Variants in ZNF385D observed in about 807,000 individuals in gnomAD.
ZNF385D encodes the protein zinc finger protein 659.
Under a neutral mutation model 35.8 loss-of-function variants are expected in ZNF385D, and 15 were observed. That is an observed-to-expected ratio of 0.42 (90% confidence interval 0.28 to 0.64). The LOEUF (loss-of-function observed/expected upper bound fraction) is 0.64, where lower values mean the gene tolerates loss of function less well. Among genes scored for constraint, ZNF385D ranks in the 30% least tolerant of loss-of-function variants. The pLI is 0.23. For missense variants in ZNF385D, 474 were observed against 494.6 expected (o/e 0.96, Z 0.39); for synonymous variants, 212 against 186.8 (o/e 1.13, Z -1.10).
At chr3:21,609,880 A>G (rs918135811) in intron 2 of ZNF385D, among the ~76,000 whole-genome samples, 1 of 152,150 alleles carries the variant, frequency 6.6e-6, no homozygotes, top group East Asian at 1.9e-4. Context: ...TAAAAACTAA[A>G]AGGAAAAGAG....
intron 2 of ZNF385D, among the ~76,000 whole-genome samples, chr3:22,318,039 C>A (rs1703995528): frequency 6.6e-6 from 1 of 150,434 alleles, no homozygotes. Context: ...GCCTGGGCGA[C>A]AGAGTGAGAC....
At chr3:21,712,437 G>A (rs1388379443) in intron 1 of ZNF385D, among the ~76,000 whole-genome samples, 1 of 152,144 alleles carries the variant, frequency 6.6e-6, no homozygotes, top group African/African-American at 2.4e-5. Flanking sequence ...TATGTGGAAT[G>A]TCACTTCCAT....
chr3:22,203,725 G>A (rs1216844055), intron 2 of ZNF385D, among the ~76,000 whole-genome samples: 1 of 152,094 alleles, frequency 6.6e-6, no homozygotes, highest in Non-Finnish European at 1.5e-5. Context: ...GGTTGTGGTG[G>A]ACATGGAAGC....
At chr3:21,673,692 A>G (rs1015642275) in intron 1 of ZNF385D, among the ~76,000 whole-genome samples, 3 of 152,126 alleles carry the variant, frequency 2.0e-5, no homozygotes, top group Non-Finnish European at 4.4e-5. Context: ...AAATTTTTAA[A>G]AAGTTAATGA....
At chr3:21,793,039 A>C (rs2071994062) in intron 3 of ZNF385D, among the ~76,000 whole-genome samples, 1 of 152,218 alleles carries the variant, frequency 6.6e-6, no homozygotes, top group African/African-American at 2.4e-5. Flanking sequence ...GACAACATTA[A>C]GATTTCAGAA....
At chr3:21,753,789 T>TTGTGTG (rs145331908), upstream of ZNF385D, among the ~76,000 whole-genome samples, 1,180 of 124,718 alleles carry the variant, frequency 9.5e-3, 51 homozygotes, top group Admixed American at 0.072. Context: ...GTTGTTGTTG[T>TTGTGTG]TGTGTGTGTG....
At chr3:21,819,001 C>T (rs1023918644) in intron 3 of ZNF385D, among the ~76,000 whole-genome samples, 2 of 151,772 alleles carry the variant, frequency 1.3e-5, no homozygotes, top group African/African-American at 4.8e-5. Flanking sequence ...TGGTAGAAAA[C>T]TGCATATAAA....
At chr3:22,123,462 T>C (rs190302115) in intron 3 of ZNF385D, among the ~76,000 whole-genome samples, 6 of 152,282 alleles carry the variant, frequency 3.9e-5, no homozygotes, top group Non-Finnish European at 5.9e-5. Context: ...CCACGGTAAA[T>C]GGGGTATGCA....
Position 21,874,275 on chromosome 3 carries a change from C to T in ZNF385D, c.326-209247G>A, listed in dbSNP as rs79898263. Among the ~76,000 whole-genome samples, 1,046 of 152,054 alleles carry T rather than the reference C, an allele frequency of 6.9e-3. 19 individuals are homozygous for T. The highest frequency in any genetic ancestry group is 0.024 in the African/African-American group (979 of 41,540). ...ATGATGTTGAGCATCTTTTAATATA[C>T]TTACTGGCAATTTGTATGTCTTCTT... On this transcript the variant is annotated intron_variant, in intron 3 of 5. Transcript: ENST00000494108.
At chr3:21,753,241 T>C (rs2070185055), upstream of ZNF385D, among the ~76,000 whole-genome samples, 1 of 152,222 alleles carries the variant, frequency 6.6e-6, no homozygotes, top group Non-Finnish European at 1.5e-5. Flanking sequence ...AATGATGTGA[T>C]GAGTAAGAAA....
At chr3:21,864,043 C>T (rs1002882029) in intron 3 of ZNF385D, among the ~76,000 whole-genome samples, 2 of 152,190 alleles carry the variant, frequency 1.3e-5, no homozygotes, top group East Asian at 1.9e-4. Flanking sequence ...AAAGTAGTTT[C>T]CTCACAATAA....
chr3:22,150,923 G>A (rs1284309036), intron 3 of ZNF385D, among the ~76,000 whole-genome samples: 1 of 152,152 alleles, frequency 6.6e-6, no homozygotes, highest in African/African-American at 2.4e-5. Flanking sequence ...GGACTAGAGA[G>A]TAAATCATTC....
intron 2 of ZNF385D, among the ~76,000 whole-genome samples, chr3:22,266,495 A>G (rs944225750): frequency 6.6e-6 from 1 of 152,014 alleles, no homozygotes; most frequent in East Asian, 1.9e-4. Context: ...TGAAGAAGCT[A>G]CCAAGATCTT....
chr3:22,216,272 T>C (rs903079664), intron 2 of ZNF385D, among the ~76,000 whole-genome samples: 2 of 152,014 alleles, frequency 1.3e-5, no homozygotes, highest in Non-Finnish European at 2.9e-5. Context: ...TTTAAAATTT[T>C]ATAATTTCAT....
intron 3 of ZNF385D, among the ~76,000 whole-genome samples, chr3:21,968,729 C>A (rs1296205124): frequency 6.6e-6 from 1 of 152,174 alleles, no homozygotes; most frequent in Non-Finnish European, 1.5e-5. Flanking sequence ...CCAGGCAGTA[C>A]TTGCCGTGGA....
At chr3:21,879,572 G>A (rs898196269) in intron 3 of ZNF385D, among the ~76,000 whole-genome samples, 3 of 151,926 alleles carry the variant, frequency 2.0e-5, no homozygotes, top group Non-Finnish European at 4.4e-5. Context: ...ATTACTATAG[G>A]TATGAAGTCC....
intron 3 of ZNF385D, among the ~76,000 whole-genome samples, chr3:22,088,859 G>C (rs1341193996): frequency 6.6e-6 from 1 of 152,096 alleles, no homozygotes; most frequent in Non-Finnish European, 1.5e-5. Context: ...GTGCAGCTAA[G>C]TTGTGTTGCT....
At chr3:21,821,989 A>T (rs911595129) in intron 3 of ZNF385D, among the ~76,000 whole-genome samples, 4 of 149,150 alleles carry the variant, frequency 2.7e-5, no homozygotes, top group Non-Finnish European at 6.0e-5. Flanking sequence ...AAAAAAATTT[A>T]AAAAGCTGGT....
chr3:22,104,454 A>AT (rs1025757876), intron 3 of ZNF385D, among the ~76,000 whole-genome samples: 1 of 152,148 alleles, frequency 6.6e-6, no homozygotes, highest in African/African-American at 2.4e-5. Context: ...TTTAAGCTCC[A>AT]TTTTTTAAAT....
Sources: allele counts gnomAD v4.1 joint callset (sites outside exome capture counted in the v4.1 genomes callset), GRCh38; gene constraint gnomAD v4.1.1; transcripts MANE v1.5; gene names NCBI Gene and HGNC (gene_info 2026-07-23, HGNC 2026-07-21).